CAD: variants seen among roughly 807,000 people sequenced by gnomAD.
CAD encodes carbamoyl-phosphate synthetase 2, aspartate transcarbamylase, and dihydroorotase, also known as multifunctional protein CAD.
Under a neutral mutation model 237.2 loss-of-function variants are expected in CAD, and 81 were observed. The ratio of observed to expected loss-of-function variants is 0.34; its 90% CI spans 0.29 to 0.41. The LOEUF is 0.41. Among genes scored for constraint, CAD ranks in the 10% least tolerant of loss-of-function variants. The pLI, the probability that CAD is intolerant of heterozygous loss-of-function variation, is 1.00. For synonymous variants in CAD, 1,196 were observed against 1,162.8 expected (o/e 1.03, Z -0.58); for missense variants, 2,181 against 2,951.7 (o/e 0.74, Z 6.05).
chr2:27,219,406 A>G (rs1675041020), intron 2 of CAD, among the ~76,000 whole-genome samples: 1 of 151,866 alleles, frequency 6.6e-6, no homozygotes, highest in African/African-American at 2.4e-5. Flanking sequence ...CAGTGGCATA[A>G]TCATGGCTCA....
chr2:27,234,390 A>G, intron 22 of CAD, 128 bp from the exon 23 acceptor site: 1 of 1,134,700 alleles, frequency 8.8e-7, no homozygotes, highest in Non-Finnish European at 1.3e-6. Context: ...GGCTTATGAC[A>G]GTCAGTGACC....
chr2:27,224,027 C>G lies in CAD; in HGVS notation c.1106C>G (p.Thr369Arg). The G allele has an allele frequency of 6.2e-7, 1 of 1,604,358 alleles. No individual in the cohort carries two copies. Residue 369 changes from threonine to arginine, a missense_variant and splice_region_variant, in exon 8 of 44, where the codon ACA becomes AGA. Physicochemically the swap from Thr to Arg is moderately conservative, Grantham distance 71. Coordinates refer to ENST00000264705, the MANE Select transcript of CAD (RefSeq NM_004341.5). ...ACAGCTGGGAACCCTGGGGGCCAGA[C>G]AGGTAAGATCCTGAGTAGAACTGGG... ...EATAGNPGGQ[T>R]VRERLTERLC... is the part of the protein sequence containing the mutation.
In CAD at chr2:27,222,578, C is replaced by G. The variant is rs762579135; in HGVS notation, c.555C>G (p.Leu185=). ...GGATCCTTGCTTTGGACTGTGGCCT[C>G]AAGTATAATCAGATCCGATGCCTCT... ...APRILALDCG[L]KYNQIRCLCQ... is the part of the protein sequence containing the mutation. The change falls in exon 5 of 44, where the codon CTC becomes CTG. Residue 185 remains leucine (L), a synonymous_variant. Transcript: ENST00000264705. 1.2e-5 allele frequency: 20 copies of G among 1,613,994 alleles called. No homozygotes were observed. The highest frequency in any genetic ancestry group is 1.7e-5 in the Non-Finnish European group (20 of 1,180,014).
chr2:27,239,514 T>C lies in CAD; in HGVS notation c.5394+43T>C, dbSNP rs201204173. On this transcript the variant is annotated intron_variant, in intron 33 of 43. Transcript: ENST00000264705. This position sits in a 1 kb window ranked among gnomAD's most constrained non-coding sequence, Gnocchi z 4.0. Reference sequence around the variant, plus strand: ...GCCTGATCTCAGTAGTGCCCTCTTCTGCACCACGTTCATTTCTTCCCTTCC... The same window carrying C: ...GCCTGATCTCAGTAGTGCCCTCTTCCGCACCACGTTCATTTCTTCCCTTCC... 6.2e-6 allele frequency: 10 copies of C among 1,600,480 alleles called. No individual in the cohort carries two copies. The African/African-American group carries it at 1.3e-4, about 21-fold the overall frequency.
At position 27,239,194 on chromosome 2, in the gene CAD, A is replaced by G. The variant is rs767071412; in HGVS notation, c.5215A>G (p.Ile1739Val). 6.2e-7 allele frequency: 1 copy of G among 1,610,214 alleles called. No individual in the cohort carries two copies. Among genetic ancestry groups the G allele is most frequent in the East Asian group, 2.2e-5 (1 of 44,840 alleles). ...GCGATTGCACCACAATCCTCGGCGC[A>G]TCTTTCACCTGCCCCCGCAGGAGGA... is the stretch of plus-strand genomic sequence containing the variant. ...LQRLHHNPRR[I>V]FHLPPQEDTY... Residue 1739 changes from isoleucine (I) to valine (V), a missense_variant, in exon 32 of 44, where the codon ATC becomes GTC. Coordinates refer to ENST00000264705, the MANE Select transcript of CAD (RefSeq NM_004341.5). This position sits in a 1 kb window ranked among gnomAD's most constrained non-coding sequence, Gnocchi z 4.0.
chr2:27,219,968 T>C (rs1675075859), intron 2 of CAD, among the ~76,000 whole-genome samples: 1 of 152,186 alleles, frequency 6.6e-6, no homozygotes, highest in Non-Finnish European at 1.5e-5. Context: ...TTTTATTTGG[T>C]AATGGGGTAT....
intron 3 of CAD, 92 bp from the exon 4 acceptor site, chr2:27,222,102 G>T: frequency 1.6e-6 from 2 of 1,279,156 alleles, no homozygotes; most frequent in African/African-American, 1.5e-5. Flanking sequence ...GTGTGTGACT[G>T]GGGCTCTGGA....
intron 15 of CAD, among the ~76,000 whole-genome samples, chr2:27,228,897 CTTT>C (rs1435497294): frequency 6.9e-6 from 1 of 145,142 alleles, no homozygotes; most frequent in African/African-American, 2.5e-5. Context: ...GACCCTGTCT[CTTT>C]TTTCTTTTCT....
Position 27,243,237 on chromosome 2 carries a change from C to T in CAD, c.6520C>T (p.Arg2174Trp), listed in dbSNP as rs372558030. 3 of 1,613,842 alleles carry T rather than the reference C, an allele frequency of 1.9e-6. No homozygotes were observed. Among genetic ancestry groups the T allele is most frequent in the Non-Finnish European group, 2.5e-6 (3 of 1,180,004 alleles). The change falls in exon 43 of 44, where the codon CGG (arginine) becomes TGG (tryptophan). Residue 2174 changes from arginine (R) to tryptophan (W), a missense_variant. Around this residue, in one of 12 missense-constraint regions of CAD, gnomAD observed 170 missense variants for 212.1 expected, o/e 0.80. Transcript: ENST00000264705. ...CATCCTCACTCCCCACATCATGACC[C>T]GGGCCAAGAAGAAGATGGTGGTGAT... ...QFILTPHIMT[R>W]AKKKMVVMHP...
intron 15 of CAD, among the ~76,000 whole-genome samples, chr2:27,230,216 T>C (rs1481395964): frequency 1.3e-5 from 2 of 150,370 alleles, no homozygotes; most frequent in Non-Finnish European, 1.5e-5. Flanking sequence ...CCAGCGTGGG[T>C]GATGAGAGAA....
chr2:27,240,406 A>G lies in CAD; in HGVS notation c.5593+45A>G. Reference sequence around the variant, plus strand: ...GACTCAGAGACTGTGTAGGGACAGGATCCACTTCTTCCCAGTGCCTCGCCT... The same window carrying G: ...GACTCAGAGACTGTGTAGGGACAGGGTCCACTTCTTCCCAGTGCCTCGCCT... On this transcript the variant is annotated intron_variant, in intron 35 of 43. Transcript: ENST00000264705. The surrounding 1 kb of genome is among the most constrained non-coding windows in gnomAD (Gnocchi z 4.6). 1 of 1,572,210 alleles carries G rather than the reference A, an allele frequency of 6.4e-7. No homozygotes were observed.
chr2:27,233,945 A>T lies in CAD; in HGVS notation c.3400-63A>T, dbSNP rs950779508. 53 of 1,558,152 alleles carry T rather than the reference A, an allele frequency of 3.4e-5. No homozygotes were observed. The highest frequency in any genetic ancestry group is 4.1e-5 in the Non-Finnish European group (47 of 1,136,286). Reference sequence around the variant, plus strand: ...TGTGGGGCTCGTTAAAGGAAGAGACAATCCTAGAGTAAGTGAGAGAAGAAA... The same window carrying T: ...TGTGGGGCTCGTTAAAGGAAGAGACTATCCTAGAGTAAGTGAGAGAAGAAA... On this transcript the variant is annotated intron_variant, in intron 21 of 43. Transcript: ENST00000264705. This position sits in a 1 kb window ranked among gnomAD's most constrained non-coding sequence, Gnocchi z 6.3.
Position 27,233,368 on chromosome 2 carries a change from T to G in CAD, c.3048T>G (p.Gly1016=). The change falls in exon 20 of 44, where the codon GGT becomes GGG. Residue 1016 remains glycine (G), a synonymous_variant. Transcript: ENST00000264705. This position sits in a 1 kb window ranked among gnomAD's most constrained non-coding sequence, Gnocchi z 6.3. ...CTGAAGGTGTGATCCTATCCATGGGTGGACAGCTGCCCAACAACATGGCCA... is the reference window on the plus strand; with the variant it reads ...CTGAAGGTGTGATCCTATCCATGGGGGGACAGCTGCCCAACAACATGGCCA... ...ENPEGVILSM[G]GQLPNNMAMA... 1 of 1,614,260 alleles carries G rather than the reference T, an allele frequency of 6.2e-7. No homozygotes were observed. Among genetic ancestry groups the G allele is most frequent in the Non-Finnish European group, 8.5e-7 (1 of 1,180,038 alleles).
chr2:27,222,523 C>T lies in CAD; in HGVS notation c.500C>T (p.Pro167Leu). ...PLVPEVSIKTPRVFNTGGAPR... is the reference protein window; with the variant it reads ...PLVPEVSIKTLRVFNTGGAPR... ...CTTTATTCGTCTATTTCTCAGACTC[C>T]ACGGGTATTCAATACAGGGGGTGCC... is the stretch of plus-strand genomic sequence containing the variant. The change falls in exon 5 of 44, where the codon CCA becomes CTA. Residue 167 changes from proline (P) to leucine (L), a missense_variant. Physicochemically the swap from Pro to Leu is moderately conservative, Grantham distance 98 (BLOSUM62 -3). This residue lies in a region of CAD where 314 missense variants were observed against 339.4 expected (regional missense o/e 0.93). Transcript: ENST00000264705. 1 of 1,613,910 alleles carries T rather than the reference C, an allele frequency of 6.2e-7. No homozygotes were observed. Among genetic ancestry groups the T allele is most frequent in the Non-Finnish European group, 8.5e-7 (1 of 1,179,832 alleles).
Position 27,233,213 on chromosome 2 carries a change from C to A in CAD, c.2991+73C>A. On this transcript the variant is annotated intron_variant, in intron 19 of 43. Transcript: ENST00000264705. The surrounding 1 kb of genome is among the most constrained non-coding windows in gnomAD (Gnocchi z 6.3). ...TAGAACAGCTGGCTGACCTAAGATT[C>A]TTTGAAACTTGGTGGCGGCTGAGGG... The A allele has an allele frequency of 9.2e-6, 14 of 1,516,628 alleles. No individual in the cohort carries two copies. In the South Asian group the frequency reaches 1.4e-4, roughly 15 times the overall value. The allele number at this position is 1,516,628 out of a possible 1,614,324, so 93.9% of individuals were successfully genotyped here.
At position 27,240,893 on chromosome 2, in the gene CAD, C is replaced by G; in HGVS notation, c.5594-18C>G. The G allele has an allele frequency of 1.9e-6, 3 of 1,613,874 alleles. No homozygotes were observed. The highest frequency in any genetic ancestry group is 2.5e-6 in the Non-Finnish European group (3 of 1,179,780). Reference sequence around the variant, plus strand: ...CCTCAGCCATAAATGTATATCTGTCCTCTTGTCCTGTTTGCAGCTGAGGAG... The same window carrying G: ...CCTCAGCCATAAATGTATATCTGTCGTCTTGTCCTGTTTGCAGCTGAGGAG... On this transcript the variant is annotated intron_variant, in intron 35 of 43. Coordinates refer to ENST00000264705, the MANE Select transcript of CAD (RefSeq NM_004341.5). The surrounding 1 kb of genome is among the most constrained non-coding windows in gnomAD (Gnocchi z 4.6).
rs749204579 is a variant in CAD, at chr2:27,237,689, T to A, written c.4564-29T>A. The A allele has an allele frequency of 6.3e-7, 1 of 1,598,060 alleles. No individual in the cohort carries two copies. The highest frequency in any genetic ancestry group is 8.5e-7 in the Non-Finnish European group (1 of 1,170,262). ...TAGCCTGTGTGGGCATGGGTGCCAG[T>A]GAGCCTTACCTCTGTGTATCCTCTC... On this transcript the variant is annotated intron_variant, in intron 28 of 43. Transcript: ENST00000264705. This position sits in a 1 kb window ranked among gnomAD's most constrained non-coding sequence, Gnocchi z 4.0.
Position 27,237,787 on chromosome 2 carries a change from T to C in CAD, c.4633T>C (p.Leu1545=). The part of the protein sequence containing the change: ...LGASSENAGT[L]GTVAGSAAGL... ...GGCCTCGTCTGAAAATGCAGGAACC[T>C]TGGGCACCGTGGCCGGGTCTGCAGC... Residue 1545 remains leucine (L), a synonymous_variant, in exon 29 of 44, where the codon TTG becomes CTG. Transcript: ENST00000264705. The surrounding 1 kb of genome is among the most constrained non-coding windows in gnomAD (Gnocchi z 4.0). The C allele has an allele frequency of 1.9e-6, 3 of 1,614,242 alleles. No homozygotes were observed. The highest frequency in any genetic ancestry group is 2.2e-5 in the East Asian group (1 of 44,880).
At chr2:27,230,895 G>T (rs534687664) in intron 15 of CAD, among the ~76,000 whole-genome samples, 1 of 152,218 alleles carries the variant, frequency 6.6e-6, no homozygotes, top group African/African-American at 2.4e-5. Flanking sequence ...GTATCCCCAT[G>T]CCCGTTTTAG....
Sources: allele counts gnomAD v4.1 joint callset (sites outside exome capture counted in the v4.1 genomes callset), GRCh38; gene constraint gnomAD v4.1.1; regional missense constraint gnomAD v4.1.1; non-coding constraint Gnocchi (gnomAD v3.1); transcripts MANE v1.5; gene names NCBI Gene and HGNC (gene_info 2026-07-23, HGNC 2026-07-21).